CAMK2D: variants seen among roughly 807,000 people sequenced by gnomAD.
CAMK2D encodes the protein calcium/calmodulin-dependent protein kinase type II subunit delta.
CAMK2D carries 37 observed loss-of-function variants against 84.0 expected under a neutral mutation model. The ratio of observed to expected loss-of-function variants is 0.44; its 90% CI spans 0.34 to 0.58. The LOEUF (loss-of-function observed/expected upper bound fraction) is 0.58, where lower values mean the gene tolerates loss of function less well. Ranked by LOEUF, CAMK2D falls within the 20% of genes least tolerant of loss-of-function variation. The pLI, the probability that CAMK2D is intolerant of heterozygous loss-of-function variation, is 0.02. For missense variants in CAMK2D, 448 were observed against 652.5 expected, an observed-to-expected ratio of 0.69 and a Z score of 3.41; for synonymous variants, 202 against 212.5, an observed-to-expected ratio of 0.95 and a Z score of 0.43.
At chr4:113,741,412 T>C (rs113935565) in intron 2 of CAMK2D, among the ~76,000 whole-genome samples, 2,363 of 152,312 alleles carry the variant, frequency 0.016, 61 homozygotes, top group African/African-American at 0.053. Flanking sequence ...ATTATTATAA[T>C]TGTTCTATTT....
At chr4:113,519,877 G>A (rs1590626504) in intron 8 of CAMK2D, among the ~76,000 whole-genome samples, 1 of 152,116 alleles carries the variant, frequency 6.6e-6, no homozygotes, top group Non-Finnish European at 1.5e-5. Context: ...TTAAGTAACT[G>A]TTTCAACCAC....
chr4:113,698,825 T>C (rs1057204514), intron 2 of CAMK2D, among the ~76,000 whole-genome samples: 2 of 152,082 alleles, frequency 1.3e-5, no homozygotes, highest in South Asian at 4.1e-4. Flanking sequence ...TATATAGCTA[T>C]ATCACCTGTC....
chr4:113,747,958 T>C (rs1341681680), intron 2 of CAMK2D, among the ~76,000 whole-genome samples: 4 of 152,172 alleles, frequency 2.6e-5, no homozygotes, highest in Admixed American at 1.3e-4. Context: ...TCAGTCTTTA[T>C]TGGTACGTTC....
chr4:113,494,163 C>T (rs1334260468), intron 16 of CAMK2D, among the ~76,000 whole-genome samples: 1 of 152,250 alleles, frequency 6.6e-6, no homozygotes, highest in African/African-American at 2.4e-5. Flanking sequence ...CTCCATCCAG[C>T]TTTGTTCCGT....
chr4:113,457,853 G>A (rs556698000), intron 18 of CAMK2D, among the ~76,000 whole-genome samples: 2 of 152,290 alleles, frequency 1.3e-5, no homozygotes, highest in African/African-American at 4.8e-5. Context: ...TATTTACAAT[G>A]GAAAGTGGTT....
intron 9 of CAMK2D, 130 bp downstream of exon 9, chr4:113,517,433 T>C: frequency 2.1e-6 from 1 of 475,746 alleles, no homozygotes; most frequent in South Asian, 4.7e-5. Context: ...TCCCTTTCCT[T>C]AAGAGAGAGG....
intron 3 of CAMK2D, 121 bp downstream of exon 3, chr4:113,661,592 G>C: frequency 2.0e-6 from 1 of 492,478 alleles, no homozygotes; most frequent in Non-Finnish European, 3.6e-6. Flanking sequence ...AAGATTGAAA[G>C]TTAGGAACCT....
intron 4 of CAMK2D, among the ~76,000 whole-genome samples, chr4:113,601,336 TAA>T (rs1201713664): frequency 2.0e-5 from 3 of 152,212 alleles, no homozygotes; most frequent in Non-Finnish European, 2.9e-5. Context: ...CATGAGCATT[TAA>T]AGTGTTCTTC....
intron 2 of CAMK2D, among the ~76,000 whole-genome samples, chr4:113,730,952 C>G (rs184559429): frequency 1.3e-5 from 2 of 152,286 alleles, no homozygotes; most frequent in Non-Finnish European, 2.9e-5. Context: ...AGTCTTGTAA[C>G]CAGAAACACA....
rs1008992813 is a variant in CAMK2D at position 113,453,964 on chromosome 4, A to G, written c.*581T>C. Reference sequence around the variant, plus strand: ...CCAACTGATTCTTGCTTCTACTTTCATAAGTGATTTTGCCCACATATCATC... The same window carrying G: ...CCAACTGATTCTTGCTTCTACTTTCGTAAGTGATTTTGCCCACATATCATC... On this transcript the variant is annotated 3_prime_UTR_variant, in exon 21 of 21. Coordinates refer to ENST00000511664, the MANE Select transcript of CAMK2D (RefSeq NM_001321571.2). 1.3e-5 allele frequency: 2 copies of G among 152,564 alleles called. No homozygotes were observed. The highest frequency in any genetic ancestry group is 4.8e-5 in the African/African-American group (2 of 41,424). 9.5% of individuals were successfully genotyped at this position (152,564 alleles called of 1,614,324 possible). A position where few individuals can be genotyped will look rare whatever the true frequency, so the allele number is the denominator to read the frequency against.
At chr4:113,485,985 T>G (rs753147246) in intron 16 of CAMK2D, among the ~76,000 whole-genome samples, 3 of 152,174 alleles carry the variant, frequency 2.0e-5, no homozygotes, top group Non-Finnish European at 2.9e-5. Flanking sequence ...AGTTCAGGAG[T>G]TTTATCTTTG....
At chr4:113,511,801 G>A (rs998069338) in intron 12 of CAMK2D, among the ~76,000 whole-genome samples, 4 of 152,106 alleles carry the variant, frequency 2.6e-5, no homozygotes, top group South Asian at 2.1e-4. Context: ...CCCTCAATTC[G>A]TAGCATTATT....
intron 2 of CAMK2D, among the ~76,000 whole-genome samples, chr4:113,739,375 T>C (rs897142946): frequency 3.3e-5 from 5 of 152,166 alleles, no homozygotes; most frequent in African/African-American, 1.2e-4. Flanking sequence ...GCAAATTTTA[T>C]GCCAGTGTCA....
chr4:113,638,997 C>T (rs1029439537), intron 3 of CAMK2D, among the ~76,000 whole-genome samples: 1 of 151,604 alleles, frequency 6.6e-6, no homozygotes. Context: ...AATCCCAGCA[C>T]TTTGGGAGGC....
At chr4:113,501,488 T>C (rs1183343501) in intron 15 of CAMK2D, among the ~76,000 whole-genome samples, 2 of 151,952 alleles carry the variant, frequency 1.3e-5, no homozygotes, top group Non-Finnish European at 2.9e-5. Context: ...TTCTGGAAAA[T>C]AATGTAAACA....
intron 2 of CAMK2D, among the ~76,000 whole-genome samples, chr4:113,690,573 G>T (rs998268040): frequency 2.0e-5 from 3 of 152,138 alleles, no homozygotes; most frequent in Admixed American, 2.0e-4. Flanking sequence ...AGCCAAAGTT[G>T]TATTTTCAAA....
intron 2 of CAMK2D, among the ~76,000 whole-genome samples, chr4:113,744,652 G>C (rs1459809388): frequency 6.6e-6 from 1 of 152,060 alleles, no homozygotes; most frequent in Non-Finnish European, 1.5e-5. Context: ...CCGTGCAAAT[G>C]AATCACAAAA....
intron 15 of CAMK2D, among the ~76,000 whole-genome samples, chr4:113,501,296 C>T (rs1436736760): frequency 6.6e-6 from 1 of 151,882 alleles, no homozygotes; most frequent in African/African-American, 2.4e-5. Context: ...AATTAAGATA[C>T]ATTTCTTAAA....
chr4:113,466,287 T>A lies in CAMK2D; in HGVS notation c.1136-683A>T, dbSNP rs1963302. 7.0e-3 allele frequency among the ~76,000 whole-genome samples: 1,049 copies of A among 149,292 alleles called. 20 individuals carry two copies. The highest frequency in any genetic ancestry group is 0.025 in the African/African-American group (1,006 of 40,846). ...ATAAATAAATAAATAAATAAATAAA[T>A]ATAAAATAAAATAAAATAAAATTAG... On this transcript the variant is annotated intron_variant, in intron 16 of 20. Coordinates refer to ENST00000511664, the MANE Select transcript of CAMK2D (RefSeq NM_001321571.2).
Sources: allele counts gnomAD v4.1 joint callset (sites outside exome capture counted in the v4.1 genomes callset), GRCh38; gene constraint gnomAD v4.1.1; transcripts MANE v1.5; gene names NCBI Gene and HGNC (gene_info 2026-07-23, HGNC 2026-07-21).